KYAT1: variants seen among roughly 807,000 people sequenced by gnomAD.
KYAT1 encodes kynurenine aminotransferase 1, also known as kynurenine--oxoglutarate transaminase 1.
Under a neutral mutation model 52.4 loss-of-function variants are expected in KYAT1, and 47 were observed. The observed-to-expected ratio is 0.90, with a 90% CI of 0.71 to 1.14. The LOEUF is 1.14. Ranked by LOEUF, KYAT1 falls within the 50% of genes most tolerant of loss-of-function variation. KYAT1 has a pLI of 0.00. For missense variants in KYAT1, 480 were observed against 557.9 expected, an observed-to-expected ratio of 0.86 and a Z score of 1.41; for synonymous variants, 212 against 209.6, an observed-to-expected ratio of 1.01 and a Z score of -0.10.
chr9:128,870,979 T>C (rs375791219), intron 1 of KYAT1, among the ~76,000 whole-genome samples: 1 of 152,142 alleles, frequency 6.6e-6, no homozygotes, highest in South Asian at 2.1e-4. Context: ...ATGGTAATTT[T>C]TTAAAAGGGT....
At chr9:128,875,298 C>T (rs1837846416) in intron 1 of KYAT1, among the ~76,000 whole-genome samples, 1 of 130,080 alleles carries the variant, frequency 7.7e-6, no homozygotes, top group South Asian at 2.4e-4. Context: ...CCTGCTGTGT[C>T]GCCCAGGCCG....
rs772873757 is a variant in KYAT1, at chr9:128,833,733, C to T, written c.1209+7G>A. 9 of 1,614,140 alleles carry T rather than the reference C, an allele frequency of 5.6e-6. No homozygotes were observed. Among genetic ancestry groups the T allele is most frequent in the African/African-American group, 1.3e-5 (1 of 75,064 alleles). ...GAGGTCTTTCCTCCCCCAGCCCTGCCCTTTACCTTCACAAAACAGAAGCGG... is the reference window on the plus strand; with the variant it reads ...GAGGTCTTTCCTCCCCCAGCCCTGCTCTTTACCTTCACAAAACAGAAGCGG... On this transcript the variant is annotated splice_region_variant and intron_variant, in intron 12 of 12. Transcript: ENST00000302586.
rs1388417459 is a variant in KYAT1, at chr9:128,837,814, C to G, written c.439-1G>C. ...CCAGTTCTCCATTCTGGATGGGACC[C>G]TGCAAGAGCAGGTGGCATGGGGTGG... On this transcript the variant is annotated splice_acceptor_variant, in intron 5 of 12. Transcript: ENST00000302586. LOFTEE classifies it high-confidence loss of function. 1 of 1,614,026 alleles carries G rather than the reference C, an allele frequency of 6.2e-7. No homozygotes were observed. The highest frequency in any genetic ancestry group is 2.2e-5 in the East Asian group (1 of 44,880).
intron 1 of KYAT1, chr9:128,846,600 C>CAAAAAAA (rs57333664): frequency 2.6e-4 from 109 of 419,118 alleles, no homozygotes; most frequent in Admixed American, 6.7e-4. Flanking sequence ...AAGACTCTAC[C>CAAAAAAA]AAAAAAAAAA....
chr9:128,857,984 T>C (rs2130611059), intron 1 of KYAT1, among the ~76,000 whole-genome samples: 1 of 152,188 alleles, frequency 6.6e-6, no homozygotes, highest in South Asian at 2.1e-4. Flanking sequence ...AAACTGGACC[T>C]CATCAAAATT....
intron 1 of KYAT1, among the ~76,000 whole-genome samples, chr9:128,873,441 T>G (rs984117706): frequency 5.3e-5 from 8 of 152,058 alleles, no homozygotes; most frequent in Non-Finnish European, 1.2e-4. Context: ...ACGTTTTCTT[T>G]CGTTATAAAA....
intron 8 of KYAT1, 60 bp from the exon 9 acceptor site, chr9:128,835,928 A>G: frequency 6.2e-7 from 1 of 1,603,648 alleles, no homozygotes; most frequent in Non-Finnish European, 8.5e-7. Flanking sequence ...AGCCTTCTTC[A>G]TTCTCAGGCC....
intron 1 of KYAT1, among the ~76,000 whole-genome samples, chr9:128,873,899 T>C (rs1161453079): frequency 6.8e-6 from 1 of 147,304 alleles, no homozygotes; most frequent in Non-Finnish European, 1.5e-5. Context: ...TGAGCAGAGA[T>C]TGCACCACTG....
At chr9:128,845,285 T>C in intron 2 of KYAT1, 68 bp downstream of exon 2, 1 of 1,356,306 alleles carries the variant, frequency 7.4e-7, no homozygotes, top group Non-Finnish European at 1.0e-6. Flanking sequence ...TGAGTTGCTG[T>C]AAACCCAGGG....
At chr9:128,855,493 A>T (rs992051189) in intron 1 of KYAT1, among the ~76,000 whole-genome samples, 15 of 152,278 alleles carry the variant, frequency 9.9e-5, no homozygotes, top group African/African-American at 3.6e-4. Flanking sequence ...ATCATAAGCC[A>T]CATTATACTA....
chr9:128,841,926 A>G (rs1832260407), intron 3 of KYAT1: 1 of 150,346 alleles, frequency 6.7e-6, no homozygotes, highest in South Asian at 2.0e-4. Context: ...ATGGCATATC[A>G]TGTGAGCCCC....
intron 1 of KYAT1, chr9:128,846,681 T>TTGGC: frequency 9.9e-6 from 15 of 1,519,652 alleles, no homozygotes; most frequent in Non-Finnish European, 1.3e-5. Flanking sequence ...CTAACCCACC[T>TTGGC]TGGCTGGGTG....
intron 1 of KYAT1, among the ~76,000 whole-genome samples, chr9:128,859,577 G>A (rs1835162605): frequency 6.6e-6 from 1 of 151,954 alleles, no homozygotes; most frequent in Non-Finnish European, 1.5e-5. Flanking sequence ...GGCTGAGACA[G>A]GAGAATTGCT....
chr9:128,847,263 A>G (rs943504877), intron 1 of KYAT1, among the ~76,000 whole-genome samples: 5 of 152,220 alleles, frequency 3.3e-5, no homozygotes, highest in African/African-American at 1.2e-4. Context: ...GCAGAGCTAC[A>G]AGTTCTAGAC....
chr9:128,863,946 C>G (rs542744406), intron 1 of KYAT1, among the ~76,000 whole-genome samples: 1 of 152,146 alleles, frequency 6.6e-6, no homozygotes, highest in South Asian at 2.1e-4. Context: ...TGCGCCTCAC[C>G]CCTTTTCTAG....
Position 128,836,809 on chromosome 9 carries a change from G to T in KYAT1, c.681C>A (p.Ile227=). ...CAGGCTGGCTTGGCTCACCAATGCTGATGTGCTGGTGCCCGTCGTAGACCA... is the reference window on the plus strand; with the variant it reads ...CAGGCTGGCTTGGCTCACCAATGCTTATGTGCTGGTGCCCGTCGTAGACCA... The part of the protein sequence containing the change: ...QWMVYDGHQH[I]SIASLPGMWE... The change falls in exon 7 of 13, where the codon ATC becomes ATA. Residue 227 remains isoleucine (I), a synonymous_variant. Transcript: ENST00000302586. The T allele has an allele frequency of 6.2e-7, 1 of 1,613,572 alleles. No homozygotes were observed. The highest frequency in any genetic ancestry group is 8.5e-7 in the Non-Finnish European group (1 of 1,179,854).
chr9:128,869,053 T>A (rs561805163), intron 1 of KYAT1, among the ~76,000 whole-genome samples: 4 of 152,254 alleles, frequency 2.6e-5, no homozygotes, highest in African/African-American at 9.6e-5. Flanking sequence ...TTGCCCAGGC[T>A]GGTCTCAAAT....
At chr9:128,857,072 G>C (rs1368740525) in intron 1 of KYAT1, among the ~76,000 whole-genome samples, 1 of 152,246 alleles carries the variant, frequency 6.6e-6, no homozygotes, top group Admixed American at 6.5e-5. Flanking sequence ...TGGCAGCAAT[G>C]CTGCCTTGTT....
intron 3 of KYAT1, chr9:128,842,119 C>T: frequency 2.8e-6 from 1 of 362,290 alleles, no homozygotes; most frequent in Non-Finnish European, 5.7e-6. Flanking sequence ...TTGAGACTGG[C>T]AGGGTCAAGG....
Sources: allele counts gnomAD v4.1 joint callset (sites outside exome capture counted in the v4.1 genomes callset), GRCh38; gene constraint gnomAD v4.1.1; transcripts MANE v1.5; gene names NCBI Gene and HGNC (gene_info 2026-07-23, HGNC 2026-07-21).